KL: variants seen among roughly 807,000 people sequenced by gnomAD.
KL encodes klotho, also known as alpha-klotho.
Under a neutral mutation model 84.2 loss-of-function variants are expected in KL, and 62 were observed. The ratio of observed to expected loss-of-function variants is 0.74; its 90% CI spans 0.60 to 0.91. The LOEUF is 0.91. Among genes scored for constraint, KL ranks in the 40% least tolerant of loss-of-function variants. The probability of loss-of-function intolerance (pLI) is 0.00; values close to 1 mark genes in which losing one functional copy is unlikely to be tolerated. For missense variants in KL, 1,261 were observed against 1,305.7 expected (o/e 0.97, Z 0.53); for synonymous variants, 528 against 528.0 (o/e 1.00, Z 0.00).
chr13:33,047,740 C>A (rs919213748), intron 1 of KL, among the ~76,000 whole-genome samples: 11 of 152,074 alleles, frequency 7.2e-5, no homozygotes, highest in African/African-American at 1.2e-4. Flanking sequence ...TATTTGTTTT[C>A]TTTTTGTTCC....
rs1406233240 is a variant in KL at position 33,060,776 on chromosome 13, A to G, written c.1697A>G (p.Lys566Arg). 3 of 1,614,240 alleles carry G rather than the reference A, an allele frequency of 1.9e-6. No individual in the cohort carries two copies. Among genetic ancestry groups the G allele is most frequent in the Non-Finnish European group, 1.7e-6 (2 of 1,180,034 alleles). Reference protein sequence around the residue: ...RLIKVDGVVTKKRKSYCVDFA... With the variant: ...RLIKVDGVVTRKRKSYCVDFA... ...ATTAAAGTGGATGGGGTTGTGACCA[A>G]GAAGAGGAAATCCTACTGTGTTGAC... The change falls in exon 4 of 5, where the codon AAG (lysine) becomes AGG (arginine). Residue 566 changes from lysine to arginine, a missense_variant. By Grantham distance (26) the Lys-to-Arg change is conservative (BLOSUM62 2). Transcript: ENST00000380099.
chr13:33,064,070 T>A lies in KL; in HGVS notation c.2923T>A (p.Phe975Ile). ...ATTCACCGTGTGTACTGAGTGCAGT[T>A]TTTTTCACACCCGAAAGTCTTTACT... Reference protein sequence around the residue: ...EEFTVCTECSFFHTRKSLLAF... With the variant: ...EEFTVCTECSIFHTRKSLLAF... The change falls in exon 5 of 5, where the codon TTT (phenylalanine) becomes ATT (isoleucine). Residue 975 changes from phenylalanine (F) to isoleucine (I), a missense_variant. Phe to Ile is a conservative substitution (Grantham distance 21, BLOSUM62 0). Transcript: ENST00000380099. The A allele has an allele frequency of 1.2e-6, 2 of 1,614,180 alleles. No individual in the cohort carries two copies. Among genetic ancestry groups the A allele is most frequent in the Non-Finnish European group, 1.7e-6 (2 of 1,180,022 alleles).
intron 1 of KL, among the ~76,000 whole-genome samples, chr13:33,038,674 ATT>A (rs1027234192): frequency 1.3e-5 from 2 of 152,196 alleles, no homozygotes; most frequent in Non-Finnish European, 2.9e-5. Context: ...TTTCTAACAA[ATT>A]TTTTCAGAAA....
chr13:33,039,321 A>C (rs940196247), intron 1 of KL, among the ~76,000 whole-genome samples: 3 of 152,204 alleles, frequency 2.0e-5, no homozygotes, highest in African/African-American at 7.2e-5. Flanking sequence ...GTTTCAACTA[A>C]TTTAAGAATT....
chr13:33,030,292 A>C (rs1870930137), intron 1 of KL, among the ~76,000 whole-genome samples: 1 of 152,150 alleles, frequency 6.6e-6, no homozygotes, highest in Non-Finnish European at 1.5e-5. Context: ...GCACCATATA[A>C]TACAATAAAA....
At position 33,055,129 on chromosome 13, in the gene KL, C is replaced by T; in HGVS notation, c.1413C>T (p.Ser471=). The change falls in exon 3 of 5, where the codon AGC becomes AGT. Residue 471 remains serine, a synonymous_variant. Transcript: ENST00000380099. The stretch of plus-strand genomic sequence containing the variant: ...GTTTCGAGTGGCACAGAGGTTACAG[C>T]ATCAGGCGTGGACTCTTCTATGTTG... The part of the protein sequence containing the change: ...MDGFEWHRGY[S]IRRGLFYVDF... The T allele has an allele frequency of 6.2e-7, 1 of 1,614,208 alleles. No homozygotes were observed. The highest frequency in any genetic ancestry group is 8.5e-7 in the Non-Finnish European group (1 of 1,180,036).
At chr13:33,056,121 T>G (rs2138235730) in intron 3 of KL, among the ~76,000 whole-genome samples, 1 of 152,172 alleles carries the variant, frequency 6.6e-6, no homozygotes, top group African/African-American at 2.4e-5. Context: ...GCGAAAACAA[T>G]GTATGCACAA....
In KL at chr13:33,065,167, A is replaced by G. The variant is rs1191211377; in HGVS notation, c.*981A>G. 1 of 222,112 alleles carries G rather than the reference A, an allele frequency of 4.5e-6. No individual in the cohort carries two copies. Among genetic ancestry groups the G allele is most frequent in the Non-Finnish European group, 9.0e-6 (1 of 110,876 alleles). 13.8% of individuals were successfully genotyped at this position (222,112 alleles called of 1,614,324 possible). A position where few individuals can be genotyped will look rare whatever the true frequency, so the allele number is the denominator to read the frequency against. ...TCTATGAACAGTGACACTACTTTCT[A>G]TTCTTTAGCTGTACTGTAATTTCTT... On this transcript the variant is annotated 3_prime_UTR_variant, in exon 5 of 5. Transcript: ENST00000380099.
chr13:33,060,860 G>A lies in KL; in HGVS notation c.1781G>A (p.Arg594His), dbSNP rs766859418. ...LLQEMHVTHF[R>H]FSLDWALILP... ...CAGGAAATGCACGTTACACATTTTC[G>A]CTTCTCCCTGGACTGGGCCCTGATT... The change falls in exon 4 of 5, where the codon CGC (arginine) becomes CAC (histidine). Residue 594 changes from arginine (R) to histidine (H), a missense_variant. Coordinates refer to ENST00000380099, the MANE Select transcript of KL (RefSeq NM_004795.4). 2.2e-5 allele frequency: 35 copies of A among 1,614,040 alleles called. No homozygotes were observed. Among genetic ancestry groups the A allele is most frequent in the Non-Finnish European group, 2.6e-5 (31 of 1,180,026 alleles).
intron 1 of KL, among the ~76,000 whole-genome samples, chr13:33,033,004 C>T (rs1871027941): frequency 6.6e-6 from 1 of 151,984 alleles, no homozygotes; most frequent in South Asian, 2.1e-4. Flanking sequence ...TGTAATTATT[C>T]TATGTACCTA....
Position 33,016,676 on chromosome 13 carries a change from GC to G in KL, c.237del (p.Trp80GlyfsTer45), listed in dbSNP as rs1870345718. ...AGCGCCGCCTACCAGACCGAGGGCG[GC>G]TGGCAGCAGCACGGCAAGGGTGCGT... is the stretch of plus-strand genomic sequence containing the variant. ...VGSAAYQTEG[G>X]WQQHGKGASI... On this transcript the variant is annotated frameshift_variant, in exon 1 of 5. Transcript: ENST00000380099. LOFTEE classifies it high-confidence loss of function. 1.9e-6 allele frequency: 3 copies of G among 1,596,114 alleles called. No homozygotes were observed. The highest frequency in any genetic ancestry group is 1.3e-5 in the African/African-American group (1 of 74,512).
At chr13:33,044,263 A>G (rs921762338) in intron 1 of KL, among the ~76,000 whole-genome samples, 4 of 152,170 alleles carry the variant, frequency 2.6e-5, no homozygotes, top group African/African-American at 7.2e-5. Flanking sequence ...GGTAATGTGA[A>G]TGTTTCAACT....
chr13:33,023,731 G>T (rs936584096), intron 1 of KL, among the ~76,000 whole-genome samples: 1 of 152,026 alleles, frequency 6.6e-6, no homozygotes, highest in African/African-American at 2.4e-5. Flanking sequence ...CAGATGTCAC[G>T]TCATCCATGA....
At chr13:33,035,252 T>C (rs1033321615) in intron 1 of KL, among the ~76,000 whole-genome samples, 2 of 152,330 alleles carry the variant, frequency 1.3e-5, no homozygotes, top group East Asian at 1.9e-4. Flanking sequence ...GCAAGATGAA[T>C]TGAGTTATTT....
rs549141184 is a variant in KL, at chr13:33,034,569, C to T, written c.819+17310C>T. On this transcript the variant is annotated intron_variant, in intron 1 of 4. Transcript: ENST00000380099. ...AAAAAAAATAAATAAAATGTATCTCCTCTCCGTGGCACCCCAGGCCTTCCT... is the reference window on the plus strand; with the variant it reads ...AAAAAAAATAAATAAAATGTATCTCTTCTCCGTGGCACCCCAGGCCTTCCT... 2.0e-5 allele frequency among the ~76,000 whole-genome samples: 3 copies of T among 152,262 alleles called. No homozygotes were observed. The South Asian group carries it at 6.2e-4, about 32-fold the overall frequency.
Position 33,061,049 on chromosome 13 carries a change from G to C in KL, c.1970G>C (p.Trp657Ser). Residue 657 changes from tryptophan to serine, a missense_variant, in exon 4 of 5, where the codon TGG (tryptophan) becomes TCG (serine). Transcript: ENST00000380099. ...CGCCTCCTGGCCAGGCAGGGCGCCT[G>C]GGAGAACCCCTACACTGCCCTGGCC... ...LPRLLARQGA[W>S]ENPYTALAFA... The C allele has an allele frequency of 6.2e-7, 1 of 1,611,950 alleles. No homozygotes were observed. The highest frequency in any genetic ancestry group is 8.5e-7 in the Non-Finnish European group (1 of 1,178,398).
At chr13:33,017,990 T>C (rs1870435864) in intron 1 of KL, among the ~76,000 whole-genome samples, 1 of 152,246 alleles carries the variant, frequency 6.6e-6, no homozygotes, top group South Asian at 2.1e-4. Flanking sequence ...ATTGTTAGCC[T>C]GATAAAATTA....
intron 1 of KL, among the ~76,000 whole-genome samples, chr13:33,041,609 A>C (rs1213016523): frequency 6.6e-6 from 1 of 152,084 alleles, no homozygotes; most frequent in African/African-American, 2.4e-5. Context: ...AGATGAGGAA[A>C]TAGAGGCACA....
chr13:33,043,138 GT>G (rs1871399042), intron 1 of KL, among the ~76,000 whole-genome samples: 1 of 151,824 alleles, frequency 6.6e-6, no homozygotes, highest in African/African-American at 2.4e-5. Context: ...CTGTCAAATA[GT>G]TTTCCAAAGT....
Sources: allele counts gnomAD v4.1 joint callset (sites outside exome capture counted in the v4.1 genomes callset), GRCh38; gene constraint gnomAD v4.1.1; transcripts MANE v1.5; gene names NCBI Gene and HGNC (gene_info 2026-07-23, HGNC 2026-07-21).